HPSE2: variants seen among roughly 807,000 people sequenced by gnomAD.
HPSE2 encodes heparanase 2 (inactive).
In HPSE2, 38 loss-of-function variants were observed where a neutral mutation model predicts 60.5. That is an observed-to-expected ratio of 0.63 (90% CI 0.48 to 0.82). HPSE2 has a LOEUF of 0.82. Among genes scored for constraint, HPSE2 ranks in the 40% least tolerant of loss-of-function variants. The pLI is 0.00. For missense variants in HPSE2, 713 were observed against 740.4 expected, an observed-to-expected ratio of 0.96 and a Z score of 0.43; for synonymous variants, 295 against 293.2, an observed-to-expected ratio of 1.01 and a Z score of -0.06.
chr10:98,728,226 ATTG>A (rs1949138861), intron 4 of HPSE2, among the ~76,000 whole-genome samples: 1 of 152,192 alleles, frequency 6.6e-6, no homozygotes, highest in South Asian at 2.1e-4. Context: ...ACACAACTCT[ATTG>A]TTGGGCTTAT....
At chr10:99,309,337 T>C in the HPSE2 span, among the ~76,000 whole-genome samples, 1 of 152,186 alleles carries the variant, frequency 6.6e-6, no homozygotes, top group African/African-American at 2.4e-5. Flanking sequence ...TTATATTATG[T>C]GGAATATATC....
intron 2 of HPSE2, among the ~76,000 whole-genome samples, chr10:99,181,322 C>T (rs1216089627): frequency 1.3e-4 from 19 of 143,684 alleles, no homozygotes; most frequent in Non-Finnish European, 7.5e-5. Context: ...GGCGTGAACC[C>T]GGGAGGCGGA....
At chr10:98,622,181 C>A (rs1946091600) in intron 7 of HPSE2, among the ~76,000 whole-genome samples, 1 of 152,166 alleles carries the variant, frequency 6.6e-6, no homozygotes, top group Admixed American at 6.5e-5. Context: ...AATCCAACAT[C>A]ATGAATAGTC....
chr10:98,858,128 G>A (rs972390408), intron 3 of HPSE2, among the ~76,000 whole-genome samples: 13 of 152,128 alleles, frequency 8.5e-5, no homozygotes, highest in African/African-American at 2.7e-4. Context: ...GAAAGTTTAA[G>A]TAGCTTGCCC....
rs12220431 is a variant in HPSE2, at chr10:98,939,323, G to C, written c.611-195267C>G. Among the ~76,000 whole-genome samples, 54 of 142,850 alleles carry C rather than the reference G, an allele frequency of 3.8e-4. 4 individuals are homozygous for C. The highest frequency in any genetic ancestry group is 6.7e-4 in the Non-Finnish European group (45 of 66,962). 93.7% of individuals were successfully genotyped at this position (142,850 alleles called of 152,430 possible). On this transcript the variant is annotated intron_variant, in intron 3 of 11. Coordinates refer to ENST00000370552, the MANE Select transcript of HPSE2 (RefSeq NM_021828.5). Reference sequence around the variant, plus strand: ...TGGAGTCAAGACCCATCAGTGTGCTGTATTCAGGAAATCCATCTCACGTGC... The same window carrying C: ...TGGAGTCAAGACCCATCAGTGTGCTCTATTCAGGAAATCCATCTCACGTGC...
At chr10:99,311,822 T>G in the HPSE2 span, among the ~76,000 whole-genome samples, 1 of 152,230 alleles carries the variant, frequency 6.6e-6, no homozygotes, top group Non-Finnish European at 1.5e-5. Context: ...CTAGGCATCT[T>G]GTGCCAAAGT....
chr10:98,788,429 C>T (rs1950577509), intron 3 of HPSE2, among the ~76,000 whole-genome samples: 1 of 119,134 alleles, frequency 8.4e-6, no homozygotes, highest in East Asian at 2.5e-4. Flanking sequence ...AGAGATGGAG[C>T]CTACAGAGGC....
chr10:99,279,092 T>C, the HPSE2 span, among the ~76,000 whole-genome samples: 2 of 85,390 alleles, frequency 2.3e-5, no homozygotes, highest in Non-Finnish European at 4.8e-5. Flanking sequence ...TGGATCTTCA[T>C]TTATCATCAG....
intron 3 of HPSE2, among the ~76,000 whole-genome samples, chr10:99,129,825 T>C (rs1429885999): frequency 7.2e-6 from 1 of 139,614 alleles, no homozygotes; most frequent in Non-Finnish European, 1.6e-5. Context: ...AAAAAAAAGA[T>C]AAAAGAAACA....
At chr10:99,148,588 T>G (rs575859721) in intron 2 of HPSE2, among the ~76,000 whole-genome samples, 4 of 152,148 alleles carry the variant, frequency 2.6e-5, no homozygotes, top group African/African-American at 9.6e-5. Context: ...GTCTGGAGTT[T>G]GAGACCAGCC....
intron 9 of HPSE2, among the ~76,000 whole-genome samples, chr10:98,512,584 C>CAAA (rs34214972): frequency 6.9e-6 from 1 of 143,954 alleles, no homozygotes; most frequent in Non-Finnish European, 1.5e-5. Context: ...GACTGCGTCT[C>CAAA]AAAAAAAAAA....
the HPSE2 span, among the ~76,000 whole-genome samples, chr10:99,267,832 G>C: frequency 6.6e-6 from 1 of 151,798 alleles, no homozygotes; most frequent in South Asian, 2.1e-4. Flanking sequence ...AGAATAATTG[G>C]TGTTCCTGAG....
chr10:99,305,977 G>GCACACACACA, the HPSE2 span, among the ~76,000 whole-genome samples: 361 of 53,670 alleles, frequency 6.7e-3, no homozygotes, highest in South Asian at 0.013. Context: ...GCGCGCGCGC[G>GCACACACACA]CGCACACACA....
At chr10:99,129,448 G>C (rs1435068207) in intron 3 of HPSE2, among the ~76,000 whole-genome samples, 1 of 151,982 alleles carries the variant, frequency 6.6e-6, no homozygotes, top group Non-Finnish European at 1.5e-5. Context: ...TCAGAACACA[G>C]TGAATAAAAC....
chr10:98,617,457 G>A (rs1406794374), intron 8 of HPSE2, among the ~76,000 whole-genome samples: 4 of 152,160 alleles, frequency 2.6e-5, no homozygotes, highest in Admixed American at 2.6e-4. Context: ...TTTTACTAGT[G>A]TATAGGAAGA....
intron 3 of HPSE2, among the ~76,000 whole-genome samples, chr10:98,770,464 G>C (rs1950216024): frequency 6.6e-6 from 1 of 152,146 alleles, no homozygotes; most frequent in Non-Finnish European, 1.5e-5. Flanking sequence ...TTTGTGCCAA[G>C]GTCACACTTC....
intron 7 of HPSE2, among the ~76,000 whole-genome samples, chr10:98,636,604 A>T (rs1358192409): frequency 6.6e-6 from 1 of 152,104 alleles, no homozygotes; most frequent in African/African-American, 2.4e-5. Flanking sequence ...TGTACCCCAT[A>T]AGTATGTACA....
chr10:98,913,322 T>C (rs923279711), intron 3 of HPSE2, among the ~76,000 whole-genome samples: 1 of 152,220 alleles, frequency 6.6e-6, no homozygotes, highest in Non-Finnish European at 1.5e-5. Flanking sequence ...TCACTGTTCC[T>C]GCAACTTGGG....
intron 9 of HPSE2, among the ~76,000 whole-genome samples, chr10:98,538,017 G>A (rs962406617): frequency 1.3e-5 from 2 of 152,100 alleles, no homozygotes; most frequent in Admixed American, 1.3e-4. Flanking sequence ...CCTCTGCTTC[G>A]GCTACCTAAA....
Sources: allele counts gnomAD v4.1 joint callset (sites outside exome capture counted in the v4.1 genomes callset), GRCh38; gene constraint gnomAD v4.1.1; transcripts MANE v1.5; gene names NCBI Gene and HGNC (gene_info 2026-07-23, HGNC 2026-07-21).